The following NSD2 variants were observed in gnomAD, a reference collection of about 807,000 sequenced individuals.
NSD2 encodes nuclear receptor binding SET domain protein 2.
A neutral mutation model predicts 139.0 loss-of-function variants in NSD2; 12 were observed. The observed-to-expected ratio is 0.09, with a 90% CI of 0.06 to 0.14. NSD2 has a LOEUF of 0.14. Ranked by LOEUF, NSD2 falls within the 10% of genes least tolerant of loss-of-function variation. NSD2 has a pLI of 1.00. For missense variants in NSD2, 1,155 were observed against 1,745.0 expected (o/e 0.66, Z 6.02); for synonymous variants, 669 against 648.7 (o/e 1.03, Z -0.48).
chr4:1,893,143 C>T (rs1384357665), intron 1 of NSD2, among the ~76,000 whole-genome samples: 2 of 152,160 alleles, frequency 1.3e-5, no homozygotes, highest in African/African-American at 4.8e-5. Context: ...TGTGATTTTA[C>T]ACCTTTCTTT....
rs924417615 is a variant in NSD2 at position 1,871,480 on chromosome 4, C to CCCCGGA, written c.-87_-86insACCCGG. The CCCCGGA allele has an allele frequency of 2.0e-5, 3 of 149,992 alleles. No individual in the cohort carries two copies. Among genetic ancestry groups the CCCCGGA allele is most frequent in the African/African-American group, 7.3e-5 (3 of 41,080 alleles). The allele number at this position is 149,992 out of a possible 1,614,324, so 9.3% of individuals were successfully genotyped here. ...CCGCCTGGGCCCTACCGCCGCACGG[C>CCCCGGA]CCCGGCCCCCTCCCAGCCTGCCGCT... On this transcript the variant is annotated 5_prime_UTR_variant, in exon 1 of 22. Coordinates refer to ENST00000508803, the MANE Select transcript of NSD2 (RefSeq NM_001042424.3).
At chr4:1,924,403 CTG>C (rs1356323169) in intron 5 of NSD2, among the ~76,000 whole-genome samples, 1 of 152,034 alleles carries the variant, frequency 6.6e-6, no homozygotes, top group Non-Finnish European at 1.5e-5. Flanking sequence ...TGTTGCTCGG[CTG>C]TGTCTCTACA....
intron 5 of NSD2, chr4:1,919,043 A>ACAGGAGGATCCCTTGAGTCCTGGAGG (rs1325502436): frequency 5.9e-6 from 1 of 169,894 alleles, no homozygotes; most frequent in Non-Finnish European, 1.3e-5. Context: ...GGAGACTGAG[A>ACAGGAGGATCCCTTGAGTCCTGGAGG]CAGGAGGATC....
intron 8 of NSD2, 46 bp downstream of exon 8, chr4:1,938,578 G>C: frequency 2.0e-6 from 3 of 1,482,142 alleles, no homozygotes; most frequent in Non-Finnish European, 9.4e-7. Context: ...GGGTGCCCAG[G>C]CTGGGCTGGG....
In NSD2 at chr4:1,908,176, C is replaced by T. The variant is rs138977345; in HGVS notation, c.760+3798C>T. ...TAGCTTCTGCTAGTCTAGAACAGCA[C>T]TCCCAATCCCCAATTCCTCATGACT... On this transcript the variant is annotated intron_variant, in intron 3 of 21. Coordinates refer to ENST00000508803, the MANE Select transcript of NSD2 (RefSeq NM_001042424.3). Among the ~76,000 whole-genome samples, 831 of 152,354 alleles carry T rather than the reference C, an allele frequency of 5.5e-3. 4 individuals carry two copies. The highest frequency in any genetic ancestry group is 0.019 in the African/African-American group (794 of 41,586).
intron 6 of NSD2, among the ~76,000 whole-genome samples, chr4:1,933,502 A>G (rs994383787): frequency 2.6e-5 from 4 of 151,414 alleles, no homozygotes; most frequent in Non-Finnish European, 5.9e-5. Flanking sequence ...CCATTCTCCT[A>G]CCTCAGCCTC....
chr4:1,978,987 C>CT lies in NSD2; in HGVS notation c.*79dup, dbSNP rs1453291950. 1.4e-6 allele frequency: 2 copies of CT among 1,431,520 alleles called. No homozygotes were observed. Among genetic ancestry groups the CT allele is most frequent in the Non-Finnish European group, 1.8e-6 (2 of 1,091,722 alleles). The allele number at this position is 1,431,520 out of a possible 1,614,324, so 88.7% of individuals were successfully genotyped here. On this transcript the variant is annotated 3_prime_UTR_variant, in exon 22 of 22. Coordinates refer to ENST00000508803, the MANE Select transcript of NSD2 (RefSeq NM_001042424.3). ...GCCTGCGGGAGAGGGCGAGCATGAA[C>CT]TGGCCCGGAGGACCCAGCTCGAGCC...
intron 18 of NSD2, among the ~76,000 whole-genome samples, chr4:1,968,104 T>C (rs910978298): frequency 6.6e-6 from 1 of 152,216 alleles, no homozygotes. Context: ...CCTTGCATTC[T>C]AGTGCTCTGC....
At chr4:1,873,017 C>T (rs1713984990) in intron 1 of NSD2, among the ~76,000 whole-genome samples, 1 of 152,170 alleles carries the variant, frequency 6.6e-6, no homozygotes. Context: ...GCTCTCATTC[C>T]CCACAACTGA....
intron 2 of NSD2, among the ~76,000 whole-genome samples, chr4:1,901,798 C>T (rs148524282): frequency 1.3e-5 from 2 of 152,232 alleles, no homozygotes; most frequent in Admixed American, 1.3e-4. Flanking sequence ...GCCTGCCTCC[C>T]TGAGGCCTAG....
intron 5 of NSD2, 84 bp from the exon 6 acceptor site, chr4:1,930,542 G>A: frequency 7.1e-7 from 1 of 1,399,380 alleles, no homozygotes; most frequent in Non-Finnish European, 9.6e-7. Flanking sequence ...GTTCTAAAGG[G>A]CCGTGCATTT....
chr4:1,929,364 G>T (rs1258877263), intron 5 of NSD2, among the ~76,000 whole-genome samples: 1 of 152,188 alleles, frequency 6.6e-6, no homozygotes, highest in Non-Finnish European at 1.5e-5. Context: ...ACATTAACCT[G>T]ATGGTTCCTT....
intron 3 of NSD2, among the ~76,000 whole-genome samples, chr4:1,913,119 C>T (rs972117849): frequency 3.9e-5 from 6 of 152,212 alleles, no homozygotes; most frequent in Non-Finnish European, 8.8e-5. Context: ...AAAACCAGGT[C>T]ATACAGAGAT....
rs1298475107 is a variant in NSD2 at position 1,974,736 on chromosome 4, G to GGACA, written c.3373-126_3373-123dup. On this transcript the variant is annotated intron_variant, in intron 18 of 21. Coordinates refer to ENST00000508803, the MANE Select transcript of NSD2 (RefSeq NM_001042424.3). This position sits in a 1 kb window ranked among gnomAD's most constrained non-coding sequence, Gnocchi z 4.0. Reference sequence around the variant, plus strand: ...GGGGTGTCCTGTCTCAGTGGACACAGGACACCACGGTTTTCAGTACAACAA... The same window carrying GGACA: ...GGGGTGTCCTGTCTCAGTGGACACAGGACAGACACCACGGTTTTCAGTACAACAA... The GGACA allele has an allele frequency of 7.3e-7, 1 of 1,362,620 alleles. No homozygotes were observed. Among genetic ancestry groups the GGACA allele is most frequent in the African/African-American group, 1.4e-5 (1 of 69,902 alleles). The allele number at this position is 1,362,620 out of a possible 1,614,324, so 84.4% of individuals were successfully genotyped here. A position where few individuals can be genotyped will look rare whatever the true frequency, so the allele number is the denominator to read the frequency against.
chr4:1,910,607 C>G (rs1718539289), intron 3 of NSD2, among the ~76,000 whole-genome samples: 1 of 152,062 alleles, frequency 6.6e-6, no homozygotes, highest in Admixed American at 6.6e-5. Context: ...AGGAATTAAC[C>G]CTCCTTGCTT....
intron 3 of NSD2, among the ~76,000 whole-genome samples, chr4:1,911,104 G>A (rs1388826386): frequency 6.6e-6 from 1 of 152,102 alleles, no homozygotes; most frequent in Non-Finnish European, 1.5e-5. Flanking sequence ...AGAAACTCTG[G>A]CTTAGTTGAG....
chr4:1,910,154 T>A (rs1439626056), intron 3 of NSD2, among the ~76,000 whole-genome samples: 1 of 152,196 alleles, frequency 6.6e-6, no homozygotes, highest in African/African-American at 2.4e-5. Context: ...ATAGCATTGT[T>A]GTAATTTACA....
intron 5 of NSD2, among the ~76,000 whole-genome samples, chr4:1,920,474 A>G (rs1560648469): frequency 6.6e-6 from 1 of 152,174 alleles, no homozygotes. Flanking sequence ...TTAGAAAGCT[A>G]TTATTGTGAC....
At chr4:1,873,928 A>G (rs1004251077) in intron 1 of NSD2, among the ~76,000 whole-genome samples, 5 of 152,138 alleles carry the variant, frequency 3.3e-5, no homozygotes, top group African/African-American at 1.2e-4. Context: ...GAGGAGAGCA[A>G]TCATGGTGCA....
Sources: allele counts gnomAD v4.1 joint callset (sites outside exome capture counted in the v4.1 genomes callset), GRCh38; gene constraint gnomAD v4.1.1; non-coding constraint Gnocchi (gnomAD v3.1); transcripts MANE v1.5; gene names NCBI Gene and HGNC (gene_info 2026-07-23, HGNC 2026-07-21).